The following MICAL3 variants were observed in gnomAD, a reference collection of about 807,000 sequenced individuals.
The protein encoded by MICAL3 is [F-actin]-monooxygenase MICAL3.
In MICAL3, 62 loss-of-function variants were observed where a neutral mutation model predicts 207.4. The observed-to-expected ratio is 0.30, with a 90% CI of 0.24 to 0.37. MICAL3 has a LOEUF of 0.37. MICAL3 is among the 10% of genes least tolerant of loss of function. The pLI, the probability that MICAL3 is intolerant of heterozygous loss-of-function variation, is 1.00. For missense variants in MICAL3, 2,368 were observed against 2,635.6 expected, an observed-to-expected ratio of 0.90 and a Z score of 2.22; for synonymous variants, 1,077 against 1,069.3, an observed-to-expected ratio of 1.01 and a Z score of -0.14.
At chr22:17,831,278 A>G (rs1234825294) in intron 21 of MICAL3, among the ~76,000 whole-genome samples, 2 of 152,092 alleles carry the variant, frequency 1.3e-5, no homozygotes, top group Non-Finnish European at 2.9e-5. Context: ...GAGGCCACAC[A>G]CACCCAGAGA....
intron 19 of MICAL3, 83 bp from the exon 20 acceptor site, chr22:17,842,100 G>A: frequency 7.5e-7 from 1 of 1,335,340 alleles, no homozygotes; most frequent in Non-Finnish European, 1.0e-6. Context: ...CAGGCTGCAG[G>A]CCCTCCTGCC....
In MICAL3 at chr22:17,907,965, T is replaced by G. The variant is rs560778313; in HGVS notation, c.-74-1079A>C. 1.1e-4 allele frequency among the ~76,000 whole-genome samples: 17 copies of G among 152,248 alleles called. 1 individual carries two copies. The South Asian group carries it at 3.3e-3, about 30-fold the overall frequency. ...CTATGGAAATGTCCGCACACCTACG[T>G]CCAGTGAGTCTGCTGGACAGAGGCT... On this transcript the variant is annotated intron_variant, in intron 1 of 31. Coordinates refer to ENST00000441493, the MANE Select transcript of MICAL3 (RefSeq NM_015241.3).
intron 1 of MICAL3, among the ~76,000 whole-genome samples, chr22:18,014,193 T>C (rs536516110): frequency 6.6e-6 from 1 of 152,040 alleles, no homozygotes; most frequent in South Asian, 2.1e-4. Context: ...TCAGATGCCC[T>C]TAGGAAAAAG....
Position 17,913,084 on chromosome 22 carries a change from C to T in MICAL3, c.-74-6198G>A, listed in dbSNP as rs567271304. Among the ~76,000 whole-genome samples the T allele has an allele frequency of 3.9e-5, 6 of 151,932 alleles. No homozygotes were observed. The South Asian group carries it at 1.0e-3, about 26-fold the overall frequency. On this transcript the variant is annotated intron_variant, in intron 1 of 31. Coordinates refer to ENST00000441493, the MANE Select transcript of MICAL3 (RefSeq NM_015241.3). The stretch of plus-strand genomic sequence containing the variant: ...CATCCTGGGATCTATCCTGACTCTC[C>T]ATCCTATTTATCATCAAGCTGACAC...
intron 19 of MICAL3, among the ~76,000 whole-genome samples, chr22:17,858,798 C>T (rs1926204703): frequency 6.6e-6 from 1 of 152,252 alleles, no homozygotes; most frequent in Non-Finnish European, 1.5e-5. Context: ...GGTGTCCCCA[C>T]CTTCCTGCTG....
At chr22:17,922,241 G>A (rs1214498101) in intron 1 of MICAL3, among the ~76,000 whole-genome samples, 2 of 152,154 alleles carry the variant, frequency 1.3e-5, no homozygotes, top group African/African-American at 4.8e-5. Flanking sequence ...GCTAGGTAGA[G>A]GAATTCACGT....
chr22:17,866,485 C>T (rs1027396174), intron 17 of MICAL3, among the ~76,000 whole-genome samples: 6 of 152,206 alleles, frequency 3.9e-5, no homozygotes, highest in South Asian at 4.1e-4. Flanking sequence ...TGCTCCCCCT[C>T]CCGCACCCTA....
At chr22:17,906,940 C>A in intron 1 of MICAL3, 54 bp from the exon 2 acceptor site, 1 of 934,590 alleles carries the variant, frequency 1.1e-6, no homozygotes. Flanking sequence ...CAAACATTCT[C>A]CAGGAGACAT....
At chr22:17,928,737 G>T (rs1287168293) in intron 1 of MICAL3, among the ~76,000 whole-genome samples, 4 of 152,222 alleles carry the variant, frequency 2.6e-5, no homozygotes, top group Non-Finnish European at 5.9e-5. Flanking sequence ...TGCCCCATAG[G>T]GGGGTGACCA....
chr22:17,982,128 A>G (rs1026618594), intron 1 of MICAL3, among the ~76,000 whole-genome samples: 1 of 152,062 alleles, frequency 6.6e-6, no homozygotes. Context: ...AAAAAAATTA[A>G]TAAGAGGCTA....
At chr22:17,990,572 C>T (rs895344194) in intron 1 of MICAL3, among the ~76,000 whole-genome samples, 3 of 152,192 alleles carry the variant, frequency 2.0e-5, no homozygotes, top group Admixed American at 1.3e-4. Flanking sequence ...AAGGAACACA[C>T]TCCCGGTCAC....
At chr22:17,886,631 TC>T (rs1393790657) in intron 15 of MICAL3, among the ~76,000 whole-genome samples, 1 of 151,414 alleles carries the variant, frequency 6.6e-6, no homozygotes, top group East Asian at 1.9e-4. Flanking sequence ...ATGGTGAAAA[TC>T]CGTCTCTACT....
intron 29 of MICAL3, among the ~76,000 whole-genome samples, chr22:17,805,784 A>G (rs1478203679): frequency 6.6e-6 from 1 of 152,228 alleles, no homozygotes; most frequent in Non-Finnish European, 1.5e-5. Context: ...GTTGGACTGC[A>G]ATGGCGTGAT....
chr22:17,982,360 A>G (rs183318727), intron 1 of MICAL3, among the ~76,000 whole-genome samples: 2 of 152,354 alleles, frequency 1.3e-5, no homozygotes, highest in East Asian at 3.9e-4. Context: ...CCATTTTAAA[A>G]ACTCAGCATA....
At chr22:17,907,953 C>T (rs1441929460) in intron 1 of MICAL3, among the ~76,000 whole-genome samples, 3 of 152,180 alleles carry the variant, frequency 2.0e-5, no homozygotes, top group South Asian at 2.1e-4. Flanking sequence ...TGGAAATGTC[C>T]GCACACCTAC....
chr22:17,969,637 G>A (rs1315842124), intron 1 of MICAL3, among the ~76,000 whole-genome samples: 1 of 152,164 alleles, frequency 6.6e-6, no homozygotes, highest in Non-Finnish European at 1.5e-5. Context: ...AGGTGAGGCA[G>A]GACTGTTACT....
At chr22:17,803,252 G>C (rs1359009717) in intron 29 of MICAL3, among the ~76,000 whole-genome samples, 1 of 152,174 alleles carries the variant, frequency 6.6e-6, no homozygotes, top group Non-Finnish European at 1.5e-5. Context: ...AGAGCAAGGA[G>C]GGAGGGACGT....
intron 20 of MICAL3, among the ~76,000 whole-genome samples, chr22:17,837,704 A>ATT (rs1923547948): frequency 6.6e-6 from 1 of 152,240 alleles, no homozygotes; most frequent in South Asian, 2.1e-4. Flanking sequence ...AGGGTCTGTG[A>ATT]CAAGGCTTGG....
intron 23 of MICAL3, among the ~76,000 whole-genome samples, chr22:17,822,382 G>C (rs1718624536): frequency 6.6e-6 from 1 of 152,230 alleles, no homozygotes. Flanking sequence ...TTGCAACGCG[G>C]GGCCGCATCA....
Sources: allele counts gnomAD v4.1 joint callset (sites outside exome capture counted in the v4.1 genomes callset), GRCh38; gene constraint gnomAD v4.1.1; transcripts MANE v1.5; gene names NCBI Gene and HGNC (gene_info 2026-07-23, HGNC 2026-07-21).